The following MYO1E variants were observed in gnomAD, a reference collection of about 807,000 sequenced individuals.
MYO1E encodes the protein unconventional myosin-Ie.
A neutral mutation model predicts 151.1 loss-of-function variants in MYO1E; 68 were observed. That is an observed-to-expected ratio of 0.45 (90% CI 0.37 to 0.55). The LOEUF (loss-of-function observed/expected upper bound fraction) is 0.55. Among genes scored for constraint, MYO1E ranks in the 20% least tolerant of loss-of-function variants. The pLI is 0.00. For missense variants in MYO1E, 1,363 were observed against 1,389.3 expected (o/e 0.98, Z 0.30); for synonymous variants, 601 against 501.7 (o/e 1.20, Z -2.64).
intron 3 of MYO1E, 93 bp from the exon 4 acceptor site, chr15:59,256,471 T>C: frequency 9.1e-6 from 6 of 656,322 alleles, no homozygotes; most frequent in Non-Finnish European, 1.4e-5. Flanking sequence ...ACTCAATTTC[T>C]TTTCCTGAAT....
chr15:59,370,889 T>C (rs2080940545), intron 1 of MYO1E, among the ~76,000 whole-genome samples: 1 of 152,142 alleles, frequency 6.6e-6, no homozygotes, highest in South Asian at 2.1e-4. Context: ...ACAGCAATTC[T>C]CAAGTACCAG....
intron 1 of MYO1E, among the ~76,000 whole-genome samples, chr15:59,346,287 G>T (rs926418029): frequency 5.3e-5 from 8 of 152,136 alleles, no homozygotes; most frequent in Non-Finnish European, 1.0e-4. Context: ...ATCACATTCA[G>T]CCCAGACTCA....
At chr15:59,293,193 C>T (rs1366777886) in intron 1 of MYO1E, among the ~76,000 whole-genome samples, 1 of 152,200 alleles carries the variant, frequency 6.6e-6, no homozygotes, top group East Asian at 1.9e-4. Flanking sequence ...GGAAGGCACA[C>T]TGGCTTAGAA....
chr15:59,140,895 G>C (rs1178932988), intron 26 of MYO1E, among the ~76,000 whole-genome samples: 1 of 152,082 alleles, frequency 6.6e-6, no homozygotes, highest in African/African-American at 2.4e-5. Context: ...CCACCCCCCT[G>C]CACTTTTCTC....
chr15:59,210,375 A>G (rs2079871577), intron 13 of MYO1E, 139 bp downstream of exon 13: 3 of 695,886 alleles, frequency 4.3e-6, no homozygotes, highest in South Asian at 1.6e-5. Context: ...TCACACATAC[A>G]GAAAACTAGT....
chr15:59,283,331 T>C (rs1022971736), intron 1 of MYO1E, among the ~76,000 whole-genome samples: 4 of 152,080 alleles, frequency 2.6e-5, no homozygotes, highest in Admixed American at 2.6e-4. Context: ...AGTACCTACA[T>C]TCCCACTGTC....
At chr15:59,257,839 T>C (rs1378424574) in intron 3 of MYO1E, among the ~76,000 whole-genome samples, 3 of 152,212 alleles carry the variant, frequency 2.0e-5, no homozygotes, top group African/African-American at 7.2e-5. Flanking sequence ...AGTGGATACC[T>C]GGATAGGACC....
intron 9 of MYO1E, among the ~76,000 whole-genome samples, chr15:59,222,815 A>G (rs766307776): frequency 6.6e-6 from 1 of 152,218 alleles, no homozygotes; most frequent in Non-Finnish European, 1.5e-5. Context: ...TTAATGATAA[A>G]TTGAAACGAT....
intron 15 of MYO1E, among the ~76,000 whole-genome samples, chr15:59,204,717 T>C (rs2079821976): frequency 6.6e-6 from 1 of 152,198 alleles, no homozygotes; most frequent in South Asian, 2.1e-4. Context: ...TAGTCACTCC[T>C]TCTTTAGTTG....
chr15:59,314,905 C>T (rs1035198785), intron 1 of MYO1E, among the ~76,000 whole-genome samples: 2 of 152,098 alleles, frequency 1.3e-5, no homozygotes, highest in African/African-American at 4.8e-5. Flanking sequence ...ATTGTTACCA[C>T]AGGCGGGGTG....
chr15:59,141,475 G>A (rs532219183), intron 26 of MYO1E, among the ~76,000 whole-genome samples: 1 of 152,134 alleles, frequency 6.6e-6, no homozygotes, highest in Non-Finnish European at 1.5e-5. Flanking sequence ...TATTGTTTAG[G>A]GAATAATGAC....
At chr15:59,161,974 C>G (rs1462178768) in intron 23 of MYO1E, among the ~76,000 whole-genome samples, 1 of 152,104 alleles carries the variant, frequency 6.6e-6, no homozygotes, top group Non-Finnish European at 1.5e-5. Flanking sequence ...ATTTTTGTAG[C>G]TAGGAAAAGA....
At chr15:59,173,646 G>T in intron 21 of MYO1E, 100 bp downstream of exon 21, 2 of 1,461,436 alleles carry the variant, frequency 1.4e-6, no homozygotes, top group South Asian at 1.2e-5. Flanking sequence ...TTTCTACAAC[G>T]AACACATTCT....
chr15:59,327,819 A>G (rs1286447460), intron 1 of MYO1E, among the ~76,000 whole-genome samples: 2 of 152,184 alleles, frequency 1.3e-5, no homozygotes, highest in African/African-American at 4.8e-5. Context: ...AGATGTGCTG[A>G]CAACTTGTAC....
intron 4 of MYO1E, among the ~76,000 whole-genome samples, chr15:59,245,709 C>A (rs761628642): frequency 8.5e-5 from 13 of 152,130 alleles, no homozygotes; most frequent in Non-Finnish European, 1.8e-4. Flanking sequence ...CTGATTTAGG[C>A]CAAAAGTGAT....
intron 13 of MYO1E, among the ~76,000 whole-genome samples, chr15:59,209,930 G>A (rs1190102239): frequency 4.3e-5 from 6 of 139,712 alleles, no homozygotes; most frequent in African/African-American, 1.6e-4. Context: ...AACCTCCCAG[G>A]CTCAAGCGAT....
chr15:59,277,548 C>CAAAAAAAAAAAAAAAAAA (rs1166969756), intron 1 of MYO1E, among the ~76,000 whole-genome samples: 1 of 42,944 alleles, frequency 2.3e-5, no homozygotes, highest in African/African-American at 8.0e-5. Flanking sequence ...CATCCCCCCA[C>CAAAAAAAAAAAAAAAAAA]AAAAAAAAAA....
In MYO1E at chr15:59,135,227, G is replaced by A. The variant is rs569130593; in HGVS notation, c.*2153C>T. On this transcript the variant is annotated 3_prime_UTR_variant, in exon 28 of 28. Coordinates refer to ENST00000288235, the MANE Select transcript of MYO1E (RefSeq NM_004998.4). ...CCATGGATGAGGGTGTTACTCGTGG[G>A]GGTTTAACTCAGTCCCTGTTTTGTG... The A allele has an allele frequency of 3.5e-4, 54 of 152,286 alleles. No individual in the cohort carries two copies. The highest frequency in any genetic ancestry group is 1.3e-3 in the African/African-American group (52 of 41,556). 9.4% of individuals were successfully genotyped at this position (152,286 alleles called of 1,614,324 possible).
At chr15:59,320,180 C>T (rs141548157) in intron 1 of MYO1E, among the ~76,000 whole-genome samples, 7 of 152,210 alleles carry the variant, frequency 4.6e-5, no homozygotes, top group East Asian at 1.9e-4. Context: ...ATGACACAAA[C>T]GAATGGAAAA....
Sources: allele counts gnomAD v4.1 joint callset (sites outside exome capture counted in the v4.1 genomes callset), GRCh38; gene constraint gnomAD v4.1.1; transcripts MANE v1.5; gene names NCBI Gene and HGNC (gene_info 2026-07-23, HGNC 2026-07-21).